AGBL1: variants seen among roughly 807,000 people sequenced by gnomAD.
AGBL1 encodes the protein cytosolic carboxypeptidase 4.
Under a neutral mutation model 118.9 loss-of-function variants are expected in AGBL1, and 130 were observed. That is an observed-to-expected ratio of 1.09 (90% CI 0.95 to 1.26). AGBL1 has a LOEUF of 1.26. AGBL1 is among the 50% of genes most tolerant of loss of function. The pLI is 0.00. For synonymous variants in AGBL1, 555 were observed against 478.9 expected (o/e 1.16, Z -2.08); for missense variants, 1,584 against 1,298.1 (o/e 1.22, Z -3.38).
chr15:86,294,444 T>A (rs2079600212), intron 16 of AGBL1, among the ~76,000 whole-genome samples: 1 of 147,958 alleles, frequency 6.8e-6, no homozygotes, highest in Non-Finnish European at 1.5e-5. Context: ...TCACCAGGTG[T>A]CCTAATTTCA....
rs141739191 is a variant in AGBL1, at chr15:86,786,952, A to G, written c.3158+112516A>G. Among the ~76,000 whole-genome samples the G allele has an allele frequency of 1.2e-3, 176 of 152,304 alleles. 1 individual carries two copies. The highest frequency in any genetic ancestry group is 4.1e-3 in the African/African-American group (169 of 41,562). On this transcript the variant is annotated intron_variant, in intron 22 of 22. Transcript: ENST00000614907. ...CTGGATGTTGCCAAATTGGTCTGCA[A>G]CTGGTGGTACCAATTTACACTCGTA...
At chr15:86,362,083 T>C (rs1479303401) in intron 17 of AGBL1, among the ~76,000 whole-genome samples, 1 of 152,178 alleles carries the variant, frequency 6.6e-6, no homozygotes, top group Non-Finnish European at 1.5e-5. Flanking sequence ...CCTTTCTTTT[T>C]CTCTTTTGTG....
chr15:86,384,192 CT>C, intron 17 of AGBL1, among the ~76,000 whole-genome samples: 1 of 152,270 alleles, frequency 6.6e-6, no homozygotes, highest in African/African-American at 2.4e-5. Flanking sequence ...CAGAAGTGAT[CT>C]GGCCTTGAGG....
In AGBL1 at chr15:86,374,510, C is replaced by T. The variant is rs11857480; in HGVS notation, c.2375-22856C>T. On this transcript the variant is annotated intron_variant, in intron 17 of 22. Coordinates refer to ENST00000614907, the MANE Select transcript of AGBL1 (RefSeq NM_001386094.1). ...CTGGTGATGGATCATTTTGATTTAT[C>T]TGCTTTCCCATCCCAGTCCCTCTGG... Among the ~76,000 whole-genome samples the T allele has an allele frequency of 5.3e-3, 801 of 152,298 alleles. 8 individuals carry two copies. Among genetic ancestry groups the T allele is most frequent in the African/African-American group, 0.018 (733 of 41,562 alleles).
At chr15:86,780,197 A>G (rs1213460053) in intron 22 of AGBL1, among the ~76,000 whole-genome samples, 1 of 42,964 alleles carries the variant, frequency 2.3e-5, no homozygotes, top group Admixed American at 3.9e-4. Context: ...CTTGCCATTG[A>G]CATCAGTTGG....
At chr15:86,356,899 A>C (rs1054727701) in intron 17 of AGBL1, among the ~76,000 whole-genome samples, 20 of 152,226 alleles carry the variant, frequency 1.3e-4, no homozygotes, top group African/African-American at 4.8e-4. Flanking sequence ...AACATTACAC[A>C]GTAAGCAACA....
At chr15:86,656,794 G>C (rs915932438) in intron 21 of AGBL1, among the ~76,000 whole-genome samples, 5 of 152,012 alleles carry the variant, frequency 3.3e-5, no homozygotes, top group Non-Finnish European at 7.4e-5. Flanking sequence ...TGTACTCAGT[G>C]GCTCTTTTGC....
At chr15:86,681,244 ACT>A (rs1471254134) in intron 22 of AGBL1, among the ~76,000 whole-genome samples, 2 of 151,562 alleles carry the variant, frequency 1.3e-5, no homozygotes, top group Admixed American at 6.6e-5. Flanking sequence ...TGCAGCATGG[ACT>A]CTCTGCTCTT....
intron 1 of AGBL1, among the ~76,000 whole-genome samples, chr15:86,129,912 A>G (rs2076797410): frequency 6.6e-6 from 1 of 152,170 alleles, no homozygotes; most frequent in South Asian, 2.1e-4. Context: ...TGGGAGGATG[A>G]ATGCTGGGAT....
chr15:86,270,217 C>A (rs1039906316), intron 14 of AGBL1, 150 bp downstream of exon 14: 1 of 1,019,838 alleles, frequency 9.8e-7, no homozygotes, highest in Non-Finnish European at 1.4e-6. Flanking sequence ...CAGGCAGTGG[C>A]CCTCAGTGGC....
intron 5 of AGBL1, among the ~76,000 whole-genome samples, chr15:86,167,686 G>A (rs1339422511): frequency 2.0e-5 from 3 of 152,218 alleles, no homozygotes; most frequent in Non-Finnish European, 4.4e-5. Context: ...AGTGTCTGGA[G>A]ATGTGCTTGT....
chr15:86,566,005 C>T (rs2083907914), intron 21 of AGBL1, among the ~76,000 whole-genome samples: 1 of 152,280 alleles, frequency 6.6e-6, no homozygotes, highest in East Asian at 1.9e-4. Context: ...TGGGAGTGAC[C>T]CAATTTTCCA....
chr15:86,587,292 C>A (rs1167099010), intron 21 of AGBL1, among the ~76,000 whole-genome samples: 1 of 152,166 alleles, frequency 6.6e-6, no homozygotes, highest in Non-Finnish European at 1.5e-5. Flanking sequence ...GTTGCTGTCT[C>A]TTTTTCCTCT....
intron 21 of AGBL1, among the ~76,000 whole-genome samples, chr15:86,655,466 G>A (rs2085447477): frequency 6.6e-6 from 1 of 152,066 alleles, no homozygotes. Context: ...TTTGGAAGTA[G>A]GTAATCAATA....
chr15:86,159,539 G>C (rs2077237803), intron 5 of AGBL1, among the ~76,000 whole-genome samples: 2 of 152,106 alleles, frequency 1.3e-5, no homozygotes, highest in South Asian at 4.1e-4. Context: ...TGCTAGTCTT[G>C]AGATGTATTT....
intron 5 of AGBL1, among the ~76,000 whole-genome samples, chr15:86,221,014 A>G (rs2078272328): frequency 6.6e-6 from 1 of 152,092 alleles, no homozygotes; most frequent in African/African-American, 2.4e-5. Flanking sequence ...AGCCTAGCCA[A>G]CATGGTGAAA....
Position 86,983,638 on chromosome 15 carries a change from A to G in AGBL1, c.3222-4349A>G, listed in dbSNP as rs913366420. On this transcript the variant is annotated intron_variant, in intron 23 of 24. Transcript: ENST00000441037. ...ACAAGTATATATACCCATAATCAAG[A>G]TAGAGAACACAGACTTGTTACCTCC... Among the ~76,000 whole-genome samples the G allele has an allele frequency of 3.1e-4, 47 of 152,326 alleles. 1 individual carries two copies. The highest frequency in any genetic ancestry group is 9.8e-4 in the Admixed American group (15 of 15,294).
At chr15:86,213,014 T>G (rs964789123) in intron 5 of AGBL1, among the ~76,000 whole-genome samples, 3 of 152,180 alleles carry the variant, frequency 2.0e-5, no homozygotes, top group Non-Finnish European at 4.4e-5. Context: ...TTCTAAACAC[T>G]ACAAGGATTC....
intron 18 of AGBL1, among the ~76,000 whole-genome samples, chr15:86,438,657 C>CTTTTTTTTTTTTT (rs35937855): frequency 4.6e-5 from 6 of 131,622 alleles, no homozygotes; most frequent in African/African-American, 5.7e-5. Context: ...TAATCTGTCT[C>CTTTTTTTTTTTTT]TTTTTTTTTT....
Sources: allele counts gnomAD v4.1 joint callset (sites outside exome capture counted in the v4.1 genomes callset), GRCh38; gene constraint gnomAD v4.1.1; transcripts MANE v1.5; gene names NCBI Gene and HGNC (gene_info 2026-07-23, HGNC 2026-07-21).